TAF4B: variants seen among roughly 807,000 people sequenced by gnomAD.
TAF4B encodes TATA-box binding protein associated factor 4b, also known as transcription initiation factor TFIID subunit 4B.
A neutral mutation model predicts 86.4 loss-of-function variants in TAF4B; 38 were observed. The observed-to-expected ratio is 0.44, with a 90% CI of 0.34 to 0.58. The LOEUF (loss-of-function observed/expected upper bound fraction) is 0.58, where lower values mean the gene tolerates loss of function less well. Among genes scored for constraint, TAF4B ranks in the 20% least tolerant of loss-of-function variants. The pLI is 0.02. For missense variants in TAF4B, 988 were observed against 1,027.6 expected (o/e 0.96, Z 0.53); for synonymous variants, 388 against 391.2 (o/e 0.99, Z 0.10).
chr18:26,373,843 G>A (rs951392298), intron 14 of TAF4B, among the ~76,000 whole-genome samples: 3 of 152,082 alleles, frequency 2.0e-5, no homozygotes, highest in African/African-American at 4.8e-5. Flanking sequence ...GTCTCAGCTT[G>A]CTTGGAATTT....
Position 26,307,386 on chromosome 18 carries a change from A to G in TAF4B, c.1833-7843A>G, listed in dbSNP as rs1009513932. On this transcript the variant is annotated intron_variant, in intron 9 of 14. Coordinates refer to ENST00000269142, the MANE Select transcript of TAF4B (RefSeq NM_005640.3). ...TTGTGCTTAAACACCAGAGGGTGCC[A>G]GAGATTCATGTTCTTTCCATCATAC... 2.0e-5 allele frequency among the ~76,000 whole-genome samples: 3 copies of G among 152,284 alleles called. No individual in the cohort carries two copies. The South Asian group carries it at 6.2e-4, about 32-fold the overall frequency.
intron 1 of TAF4B, among the ~76,000 whole-genome samples, chr18:26,250,729 T>C (rs1203084259): frequency 3.3e-5 from 5 of 152,120 alleles, no homozygotes; most frequent in African/African-American, 4.8e-5. Context: ...CAAACTTATT[T>C]TTGTAAAATA....
At chr18:26,388,977 A>G (rs1978542311) in intron 14 of TAF4B, among the ~76,000 whole-genome samples, 1 of 152,026 alleles carries the variant, frequency 6.6e-6, no homozygotes, top group African/African-American at 2.4e-5. Flanking sequence ...ACACCCAGCT[A>G]ATTTTTTTAT....
At chr18:26,389,115 G>GCA (rs35953130) in intron 14 of TAF4B, among the ~76,000 whole-genome samples, 141,828 of 152,208 alleles carry the variant, frequency 0.93, 66,378 homozygotes, top group East Asian at 0.99. Flanking sequence ...CCCAACCAGA[G>GCA]CTTACTTTAG....
chr18:26,285,222 G>GTTTTTTTTTTTTTGTTTTTTTTTTTTTT lies in TAF4B; in HGVS notation c.973-647_973-646insGTTTTTTTTTTTTTTTTTTTTTTTTTTT, dbSNP rs1555677502. Among the ~76,000 whole-genome samples, 6 of 45,690 alleles carry GTTTTTTTTTTTTTGTTTTTTTTTTTTTT rather than the reference G, an allele frequency of 1.3e-4. No individual in the cohort carries two copies. The East Asian group carries it at 4.4e-3, about 33-fold the overall frequency. The allele number at this position is 45,690 out of a possible 152,430, so 30.0% of individuals were successfully genotyped here. On this transcript the variant is annotated intron_variant, in intron 6 of 14. Coordinates refer to ENST00000269142, the MANE Select transcript of TAF4B (RefSeq NM_005640.3). ...ATTTCTTCCTTTCCTTTTTTTTTTTGTTTTTTTTTTTTTTGGAGATGGGGT... is the reference window on the plus strand; with the variant it reads ...ATTTCTTCCTTTCCTTTTTTTTTTTGTTTTTTTTTTTTTGTTTTTTTTTTTTTTTTTTTTTTTTTTTTGGAGATGGGGT...
intron 13 of TAF4B, among the ~76,000 whole-genome samples, chr18:26,354,263 G>A (rs766605724): frequency 6.6e-6 from 1 of 152,062 alleles, no homozygotes; most frequent in Non-Finnish European, 1.5e-5. Context: ...TAGTAGAGAC[G>A]GGGTTTCACC....
chr18:26,374,421 G>C (rs1392877582), intron 14 of TAF4B, among the ~76,000 whole-genome samples: 1 of 152,100 alleles, frequency 6.6e-6, no homozygotes, highest in Non-Finnish European at 1.5e-5. Context: ...CAGTTATATT[G>C]TTATTATTCC....
rs150108474 is a variant in TAF4B, at chr18:26,360,980, G to C, written c.2421+3186G>C. Among the ~76,000 whole-genome samples, 402 of 152,172 alleles carry C rather than the reference G, an allele frequency of 2.6e-3. 5 individuals carry two copies. Among genetic ancestry groups the C allele is most frequent in the East Asian group, 0.019 (99 of 5,174 alleles). On this transcript the variant is annotated intron_variant, in intron 14 of 14. Coordinates refer to ENST00000269142, the MANE Select transcript of TAF4B (RefSeq NM_005640.3). ...TTAATACAAATTTTAATAGTCATAT[G>C]CTGCTAGTGGCCACTATATTGGGCA...
chr18:26,280,312 A>C (rs1329276341), intron 5 of TAF4B, among the ~76,000 whole-genome samples: 1 of 152,202 alleles, frequency 6.6e-6, no homozygotes, highest in Non-Finnish European at 1.5e-5. Context: ...AAAATTGACA[A>C]GTGGAACCTA....
In TAF4B at chr18:26,227,295, C is replaced by A. The variant is rs1324051539; in HGVS notation, c.343+19C>A. Reference sequence around the variant, plus strand: ...CCTCCAGGTATGTTGATAACCCTTTCCAGCCTTGTCTGTCGGTCCAGCTGG... The same window carrying A: ...CCTCCAGGTATGTTGATAACCCTTTACAGCCTTGTCTGTCGGTCCAGCTGG... On this transcript the variant is annotated intron_variant, in intron 1 of 14. Transcript: ENST00000269142. The A allele has an allele frequency of 1.2e-6, 2 of 1,600,540 alleles. No individual in the cohort carries two copies. The highest frequency in any genetic ancestry group is 8.5e-7 in the Non-Finnish European group (1 of 1,174,560).
intron 13 of TAF4B, among the ~76,000 whole-genome samples, chr18:26,337,019 C>T (rs1260548335): frequency 6.6e-6 from 1 of 152,068 alleles, no homozygotes; most frequent in Non-Finnish European, 1.5e-5. Flanking sequence ...AGGAAATGTA[C>T]CAAAAAAATG....
chr18:26,375,490 A>G lies in TAF4B; in HGVS notation c.2422-14355A>G, dbSNP rs1232290699. Among the ~76,000 whole-genome samples, 3 of 152,308 alleles carry G rather than the reference A, an allele frequency of 2.0e-5. No individual in the cohort carries two copies. In the East Asian group the frequency reaches 5.8e-4, roughly 29 times the overall value. ...TGGGAACTGCCAAACTGCTTTCCAT[A>G]GCAACTGCATGATTTGACTTTTCCA... On this transcript the variant is annotated intron_variant, in intron 14 of 14. Coordinates refer to ENST00000269142, the MANE Select transcript of TAF4B (RefSeq NM_005640.3).
At chr18:26,265,542 A>G (rs1439364545) in intron 2 of TAF4B, among the ~76,000 whole-genome samples, 1 of 152,186 alleles carries the variant, frequency 6.6e-6, no homozygotes, top group Non-Finnish European at 1.5e-5. Flanking sequence ...CCTCAAAGGA[A>G]TGTTCAGAGG....
rs1978691428 is a variant in TAF4B at position 26,391,234 on chromosome 18, C to T, written c.*1222C>T. 6.6e-6 allele frequency: 1 copy of T among 151,050 alleles called. No individual in the cohort carries two copies. The highest frequency in any genetic ancestry group is 1.5e-5 in the Non-Finnish European group (1 of 67,814). The allele number at this position is 151,050 out of a possible 1,614,324, so 9.4% of individuals were successfully genotyped here. A position where few individuals can be genotyped will look rare whatever the true frequency, so the allele number is the denominator to read the frequency against. On this transcript the variant is annotated 3_prime_UTR_variant, in exon 15 of 15. Coordinates refer to ENST00000269142, the MANE Select transcript of TAF4B (RefSeq NM_005640.3). ...CTTTAAAAAAAAAAAAAAGAAAATT[C>T]CACGTGTGTGGAATACAGCCGGTGA...
intron 6 of TAF4B, among the ~76,000 whole-genome samples, chr18:26,285,222 G>GTTTTTTTTTTTTTTTTTT (rs776976703): frequency 7.9e-4 from 36 of 45,680 alleles, no homozygotes; most frequent in Non-Finnish European, 9.4e-4. Flanking sequence ...TTTTTTTTTT[G>GTTTTTTTTTTTTTTTTTT]TTTTTTTTTT....
chr18:26,258,214 A>G (rs1313380793), intron 1 of TAF4B, among the ~76,000 whole-genome samples: 1 of 151,276 alleles, frequency 6.6e-6, no homozygotes, highest in Non-Finnish European at 1.5e-5. Context: ...AGATCGCACC[A>G]CTGCACTCAA....
At chr18:26,344,369 TAAAA>T (rs530661553) in intron 13 of TAF4B, among the ~76,000 whole-genome samples, 9 of 147,356 alleles carry the variant, frequency 6.1e-5, no homozygotes, top group Non-Finnish European at 1.3e-4. Flanking sequence ...TTTTTTTTTT[TAAAA>T]AAAAAGGGAA....
rs189371156 is a variant in TAF4B at position 26,272,894 on chromosome 18, A to G, written c.598-1769A>G. 7.9e-3 allele frequency among the ~76,000 whole-genome samples: 1,201 copies of G among 152,136 alleles called. 15 individuals are homozygous for G. Among genetic ancestry groups the G allele is most frequent in the African/African-American group, 0.027 (1,137 of 41,536 alleles). ...CTTTTGAATGTGCATTTGAGGCTCT[A>G]TATTTAACAAAATTGTACTAACTTA... On this transcript the variant is annotated intron_variant, in intron 3 of 14. Transcript: ENST00000269142.
intron 12 of TAF4B, among the ~76,000 whole-genome samples, chr18:26,332,100 C>T (rs1217158439): frequency 6.6e-6 from 1 of 152,122 alleles, no homozygotes; most frequent in African/African-American, 2.4e-5. Context: ...TTCCCTTCCC[C>T]TAAGTCTGCT....
Sources: gnomAD v4.1 joint callset for allele counts (sites outside exome capture counted in the v4.1 genomes callset) on GRCh38, gnomAD v4.1.1 for gene constraint, MANE v1.5 for transcripts, NCBI Gene and HGNC (gene_info 2026-07-23, HGNC 2026-07-21) for gene names.